Variants in DACH2 observed in about 807,000 individuals in gnomAD.
The protein encoded by DACH2 is dachshund homolog 2.
A neutral mutation model predicts 35.8 loss-of-function variants in DACH2; 17 were observed. The ratio of observed to expected loss-of-function variants is 0.48; its 90% CI spans 0.33 to 0.71. DACH2 has a LOEUF of 0.71. Ranked by LOEUF, DACH2 falls within the 30% of genes least tolerant of loss-of-function variation. The pLI, the probability that DACH2 is intolerant of heterozygous loss-of-function variation, is 0.02. For synonymous variants in DACH2, 195 were observed against 177.3 expected (o/e 1.10, Z -0.79); for missense variants, 469 against 472.7 (o/e 0.99, Z 0.07).
At chrX:86,226,065 A>C (rs182151192) in intron 1 of DACH2, among the ~76,000 whole-genome samples, 2 of 111,688 alleles carry the variant, frequency 1.8e-5, no homozygotes, top group East Asian at 5.6e-4. Context: ...GAAGTGAAAT[A>C]ACTAATGTTC....
chrX:86,279,676 A>G (rs2033987539), intron 1 of DACH2, among the ~76,000 whole-genome samples: 1 of 110,567 alleles, frequency 9.0e-6, no homozygotes, highest in Non-Finnish European at 1.9e-5. Context: ...AGTTTTATGA[A>G]CTGACAGAAG....
chrX:86,281,918 A>C (rs757813747), intron 1 of DACH2, among the ~76,000 whole-genome samples: 1 of 112,141 alleles, frequency 8.9e-6, no homozygotes, highest in South Asian at 3.7e-4. Context: ...CAAAGATCAT[A>C]AAATTCCTGG....
intron 3 of DACH2, among the ~76,000 whole-genome samples, chrX:86,580,612 G>T (rs2039489971): frequency 9.0e-6 from 1 of 111,483 alleles, no homozygotes; most frequent in Non-Finnish European, 1.9e-5. Flanking sequence ...AATAACAGCA[G>T]AATCAACCAA....
chrX:86,583,952 G>C (rs2039535906), intron 3 of DACH2, among the ~76,000 whole-genome samples: 1 of 110,652 alleles, frequency 9.0e-6, no homozygotes. Flanking sequence ...AAAGAAATTG[G>C]AAGTGTTCTC....
intron 1 of DACH2, among the ~76,000 whole-genome samples, chrX:86,310,829 G>A (rs1205061070): frequency 9.0e-6 from 1 of 111,524 alleles, no homozygotes; most frequent in African/African-American, 3.3e-5. Flanking sequence ...TGACCTCAGT[G>A]GAGGAGGAGT....
At chrX:86,704,460 A>G (rs1223311203) in intron 5 of DACH2, among the ~76,000 whole-genome samples, 1 of 111,114 alleles carries the variant, frequency 9.0e-6, no homozygotes, top group Non-Finnish European at 1.9e-5. Context: ...TAATTAAACC[A>G]AAAAAAACCT....
Position 86,714,806 on chromosome X carries a change from T to C in DACH2, c.1104+86T>C, listed in dbSNP as rs1479334776. On this transcript the variant is annotated intron_variant, in intron 6 of 11. Coordinates refer to ENST00000373125, the MANE Select transcript of DACH2 (RefSeq NM_053281.3). ...ATTTACAATCCCACTGGATCTTCAG[T>C]AGTAACTCAGCTCATTGACTCAGTT... is the stretch of plus-strand genomic sequence containing the variant. 5.8e-6 allele frequency: 5 copies of C among 858,946 alleles called. No individual in the cohort carries two copies. The African/African-American group carries it at 6.1e-5, about 10-fold the overall frequency. 70.8% of individuals were successfully genotyped at this position (858,946 alleles called of 1,213,427 possible). A position where few individuals can be genotyped will look rare whatever the true frequency, so the allele number is the denominator to read the frequency against.
At chrX:86,388,349 T>TA in intron 2 of DACH2, among the ~76,000 whole-genome samples, 1 of 112,104 alleles carries the variant, frequency 8.9e-6, no homozygotes, top group Middle Eastern at 4.6e-3. Context: ...AGAGTGAAGC[T>TA]TTGATGGGGG....
At position 86,659,796 on chromosome X, in the gene DACH2, A is replaced by C. The variant is rs756407170; in HGVS notation, c.772+8629A>C. 1.3e-4 allele frequency among the ~76,000 whole-genome samples: 14 copies of C among 111,813 alleles called. No individual in the cohort carries two copies. The East Asian group carries it at 3.9e-3, about 31-fold the overall frequency. ...CAATGAACGAATCTGAGATAATCAC[A>C]TTGCCTTTGAATTCTAATCTTCATT... On this transcript the variant is annotated intron_variant, in intron 4 of 11. Coordinates refer to ENST00000373125, the MANE Select transcript of DACH2 (RefSeq NM_053281.3).
rs972588976 is a variant in DACH2 at position 86,491,606 on chromosome X, C to G, written c.528-22673C>G. Among the ~76,000 whole-genome samples the G allele has an allele frequency of 3.6e-5, 4 of 111,454 alleles. No individual in the cohort carries two copies. In the East Asian group the frequency reaches 8.5e-4, roughly 24 times the overall value. On this transcript the variant is annotated intron_variant, in intron 2 of 11. Transcript: ENST00000373125. ...GAGAGTCTCTCTCCTTCCCACCCAT[C>G]ACCCTATGGAAATATTTTCAGAACG... is the stretch of plus-strand genomic sequence containing the variant.
intron 3 of DACH2, among the ~76,000 whole-genome samples, chrX:86,645,189 G>A (rs1315958610): frequency 1.8e-5 from 2 of 111,091 alleles, no homozygotes; most frequent in Non-Finnish European, 3.8e-5. Flanking sequence ...CTAATATCCA[G>A]CATCTATAAG....
chrX:86,424,167 T>C (rs2036853514), intron 2 of DACH2, among the ~76,000 whole-genome samples: 2 of 110,869 alleles, frequency 1.8e-5, no homozygotes, highest in South Asian at 7.6e-4. Flanking sequence ...TTGGCTATTC[T>C]GGATCTTTTG....
chrX:86,477,783 TC>T (rs2037870993), intron 2 of DACH2, among the ~76,000 whole-genome samples: 1 of 111,198 alleles, frequency 9.0e-6, no homozygotes, highest in Non-Finnish European at 1.9e-5. Context: ...AGTAATTTTC[TC>T]CGGTAGTATG....
intron 2 of DACH2, among the ~76,000 whole-genome samples, chrX:86,393,238 G>A (rs923418930): frequency 9.0e-6 from 1 of 110,640 alleles, no homozygotes; most frequent in Non-Finnish European, 1.9e-5. Context: ...CACATATGCT[G>A]TCTCTCTACC....
intron 2 of DACH2, among the ~76,000 whole-genome samples, chrX:86,477,053 T>C (rs975810953): frequency 1.8e-5 from 2 of 110,323 alleles, no homozygotes; most frequent in African/African-American, 3.3e-5. Context: ...TAAGACTTTT[T>C]TGTGACTTAA....
At chrX:86,552,462 C>A (rs2039063286) in intron 3 of DACH2, among the ~76,000 whole-genome samples, 2 of 111,973 alleles carry the variant, frequency 1.8e-5, no homozygotes, top group South Asian at 7.3e-4. Flanking sequence ...GGCATTATTG[C>A]AAAGCACCCC....
intron 1 of DACH2, among the ~76,000 whole-genome samples, chrX:86,157,880 T>C (rs2030604732): frequency 9.0e-6 from 1 of 111,339 alleles, no homozygotes; most frequent in South Asian, 3.7e-4. Context: ...TATCCTGCTA[T>C]ACTGAAGTAA....
Position 86,149,120 on chromosome X carries a change from G to A in DACH2, c.488+12G>A. 1 of 1,166,205 alleles carries A rather than the reference G, an allele frequency of 8.6e-7. No homozygotes were observed. Among genetic ancestry groups the A allele is most frequent in the African/African-American group, 1.8e-5 (1 of 56,384 alleles). ...TGCACCAATGCCAGGTGAGACACTC[G>A]TTTCTTGGCTCTCCCACTTCTCTTA... is the stretch of plus-strand genomic sequence containing the variant. On this transcript the variant is annotated intron_variant, in intron 1 of 11. Transcript: ENST00000373125.
intron 3 of DACH2, among the ~76,000 whole-genome samples, chrX:86,547,502 A>C (rs2038991685): frequency 9.6e-6 from 1 of 104,240 alleles, no homozygotes; most frequent in Admixed American, 1.1e-4. Context: ...TTTTAGAGAA[A>C]ATGAAACCTA....
Sources: allele counts gnomAD v4.1 joint callset (sites outside exome capture counted in the v4.1 genomes callset), GRCh38; gene constraint gnomAD v4.1.1; transcripts MANE v1.5; gene names NCBI Gene and HGNC (gene_info 2026-07-23, HGNC 2026-07-21).